Variants in STK3 observed in about 807,000 individuals in gnomAD.
STK3 encodes the protein serine/threonine kinase 3, also known as serine/threonine-protein kinase 3.
STK3 carries 41 observed loss-of-function variants against 58.0 expected under a neutral mutation model. The observed-to-expected ratio is 0.71, with a 90% CI of 0.55 to 0.92. The LOEUF (loss-of-function observed/expected upper bound fraction) is 0.92, where lower values mean the gene tolerates loss of function less well. Among genes scored for constraint, STK3 ranks in the 40% least tolerant of loss-of-function variants. STK3 has a pLI of 0.00. For missense variants in STK3, 479 were observed against 602.7 expected, an observed-to-expected ratio of 0.79 and a Z score of 2.15; for synonymous variants, 170 against 191.0, an observed-to-expected ratio of 0.89 and a Z score of 0.91.
intron 3 of STK3, among the ~76,000 whole-genome samples, chr8:98,751,347 T>C (rs1829970145): frequency 6.6e-6 from 1 of 152,160 alleles, no homozygotes; most frequent in South Asian, 2.1e-4. Flanking sequence ...ATCCTGTATC[T>C]AGAAAACCCC....
intron 10 of STK3, among the ~76,000 whole-genome samples, chr8:98,466,813 C>A (rs1396032350): frequency 6.6e-6 from 1 of 152,156 alleles, no homozygotes; most frequent in East Asian, 1.9e-4. Context: ...ATTGTCTCCT[C>A]TGACCTGAAA....
intron 2 of STK3, among the ~76,000 whole-genome samples, chr8:98,374,341 C>A (rs1026384528): frequency 3.3e-5 from 5 of 152,012 alleles, no homozygotes; most frequent in African/African-American, 1.2e-4. Context: ...GTCCAGGTAC[C>A]AACCACTCAT....
At chr8:98,884,086 A>G (rs1023418722) in intron 1 of STK3, among the ~76,000 whole-genome samples, 6 of 152,186 alleles carry the variant, frequency 3.9e-5, no homozygotes, top group Non-Finnish European at 8.8e-5. Context: ...TAGCTACTGT[A>G]AGGAATGACG....
rs551248712 is a variant in STK3, at chr8:98,502,827, C to T, written c.1317+23915G>A. 4.6e-5 allele frequency among the ~76,000 whole-genome samples: 7 copies of T among 152,140 alleles called. No homozygotes were observed. The South Asian group carries it at 8.3e-4, about 18-fold the overall frequency. ...TTCCCAGTATTTTATTGAGAATTTTCGCATTGATGTTCATAAGGAATATTG... is the reference window on the plus strand; with the variant it reads ...TTCCCAGTATTTTATTGAGAATTTTTGCATTGATGTTCATAAGGAATATTG... On this transcript the variant is annotated intron_variant, in intron 10 of 10. Transcript: ENST00000419617.
chr8:98,644,717 A>G (rs1374809876), intron 6 of STK3, among the ~76,000 whole-genome samples: 2 of 152,152 alleles, frequency 1.3e-5, no homozygotes, highest in Non-Finnish European at 2.9e-5. Flanking sequence ...CTCCTCCCCA[A>G]TTATATAACT....
chr8:98,505,239 A>T (rs747523827), intron 10 of STK3, among the ~76,000 whole-genome samples: 1 of 152,170 alleles, frequency 6.6e-6, no homozygotes. Flanking sequence ...TTTCAGTTCC[A>T]TCAGGTCATT....
chr8:98,751,722 T>C (rs922136951), intron 3 of STK3, among the ~76,000 whole-genome samples: 1 of 152,102 alleles, frequency 6.6e-6, no homozygotes, highest in Non-Finnish European at 1.5e-5. Flanking sequence ...AGAGGATCAC[T>C]TGAGGTCAGG....
chr8:98,721,016 T>C (rs908382277), intron 4 of STK3: 4 of 829,382 alleles, frequency 4.8e-6, no homozygotes, highest in Non-Finnish European at 5.8e-6. Flanking sequence ...TTCAATGGTA[T>C]GCCAGCCAAA....
At chr8:98,851,675 G>A (rs1201908796) in intron 3 of STK3, among the ~76,000 whole-genome samples, 2 of 152,174 alleles carry the variant, frequency 1.3e-5, no homozygotes, top group Non-Finnish European at 2.9e-5. Flanking sequence ...ATAGAAAAAG[G>A]AGGGGTAGGG....
Position 98,678,888 on chromosome 8 carries a change from G to T in STK3, c.684+27579C>A, listed in dbSNP as rs566503340. Among the ~76,000 whole-genome samples the T allele has an allele frequency of 7.2e-4, 109 of 151,982 alleles. 1 individual carries two copies. The highest frequency in any genetic ancestry group is 2.6e-3 in the African/African-American group (108 of 41,452). On this transcript the variant is annotated intron_variant, in intron 6 of 10. Transcript: ENST00000419617. ...TGCATCACATTTACAGTTGAGTTTT[G>T]TGGAAGAATAAACTCTATATTTCAT...
At chr8:98,828,371 G>T (rs1040698459), upstream of STK3, among the ~76,000 whole-genome samples, 12 of 144,216 alleles carry the variant, frequency 8.3e-5, no homozygotes, top group Non-Finnish European at 1.3e-4. Flanking sequence ...GGAATCCAAG[G>T]CAGGCAGATA....
upstream of STK3, chr8:98,388,263 GAA>G: frequency 6.6e-6 from 1 of 152,254 alleles, no homozygotes; most frequent in Admixed American, 6.5e-5. Flanking sequence ...AATGAAGAAA[GAA>G]TGATAGAATT....
intron 10 of STK3, among the ~76,000 whole-genome samples, chr8:98,473,832 C>T (rs1170580336): frequency 6.6e-6 from 1 of 152,128 alleles, no homozygotes; most frequent in Non-Finnish European, 1.5e-5. Flanking sequence ...CTACTCAGGA[C>T]TCTGGGCTTT....
intron 3 of STK3, chr8:98,432,011 A>G (rs1181824127): frequency 1.2e-5 from 2 of 167,108 alleles, no homozygotes; most frequent in African/African-American, 4.8e-5. Context: ...AATTCCCACA[A>G]GGAATGTAGA....
upstream of STK3, among the ~76,000 whole-genome samples, chr8:98,388,960 C>T (rs150357371): frequency 1.8e-3 from 281 of 152,294 alleles, 1 homozygote; most frequent in African/African-American, 6.5e-3. Flanking sequence ...GGCTCAGAAC[C>T]ATCTGTGAAG....
chr8:98,473,645 C>T (rs980616338), intron 10 of STK3, among the ~76,000 whole-genome samples: 2 of 152,122 alleles, frequency 1.3e-5, no homozygotes, highest in Non-Finnish European at 2.9e-5. Context: ...TAAATGAATT[C>T]TTTTTAGTTT....
rs536406594 is a variant in STK3 at position 98,403,608 on chromosome 8, T to C, written n.484-2095A>G. 8.6e-5 allele frequency among the ~76,000 whole-genome samples: 13 copies of C among 150,752 alleles called. No homozygotes were observed. The South Asian group carries it at 1.3e-3, about 15-fold the overall frequency. Reference sequence around the variant, plus strand: ...CCACCAATTCCCACCAGTCATTGTTTGAGGGCTGCCCCTGGGGAGGGGGAC... The same window carrying C: ...CCACCAATTCCCACCAGTCATTGTTCGAGGGCTGCCCCTGGGGAGGGGGAC... On this transcript the variant is annotated intron_variant and non_coding_transcript_variant, in intron 3 of 3. Transcript: ENST00000517832.
At chr8:98,467,198 G>T (rs906532293) in intron 10 of STK3, among the ~76,000 whole-genome samples, 4 of 152,062 alleles carry the variant, frequency 2.6e-5, no homozygotes, top group African/African-American at 9.7e-5. Context: ...TCTCTGGAAG[G>T]CTCCTTATTT....
At chr8:98,735,372 C>G (rs1404246260) in intron 4 of STK3, among the ~76,000 whole-genome samples, 7 of 152,116 alleles carry the variant, frequency 4.6e-5, no homozygotes, top group African/African-American at 1.4e-4. Context: ...GATACCATGA[C>G]TGGGTTATCT....
Sources: allele counts gnomAD v4.1 joint callset (sites outside exome capture counted in the v4.1 genomes callset), GRCh38; gene constraint gnomAD v4.1.1; transcripts MANE v1.5; gene names NCBI Gene and HGNC (gene_info 2026-07-23, HGNC 2026-07-21).